Variants in TMED3 observed in about 807,000 individuals in gnomAD.
The protein encoded by TMED3 is transmembrane emp24 domain-containing protein 3.
A neutral mutation model predicts 15.0 loss-of-function variants in TMED3; 9 were observed. The ratio of observed to expected loss-of-function variants is 0.60; its 90% CI spans 0.36 to 1.04. TMED3 has a LOEUF of 1.04. TMED3 is among the 50% of genes least tolerant of loss of function. The pLI, the probability that TMED3 is intolerant of heterozygous loss-of-function variation, is 0.01. For synonymous variants in TMED3, 117 were observed against 121.4 expected, an observed-to-expected ratio of 0.96 and a Z score of 0.24; for missense variants, 267 against 278.9, an observed-to-expected ratio of 0.96 and a Z score of 0.30.
At chr15:79,370,424 G>T (rs2141244950) in intron 2 of TMED3, among the ~76,000 whole-genome samples, 1 of 152,212 alleles carries the variant, frequency 6.6e-6, no homozygotes, top group South Asian at 2.1e-4. Context: ...GGGCAGGCAG[G>T]AGTAGGGGTT....
chr15:79,405,118 C>T (rs1395512477), intron 2 of TMED3, among the ~76,000 whole-genome samples: 1 of 152,210 alleles, frequency 6.6e-6, no homozygotes, highest in Non-Finnish European at 1.5e-5. Context: ...GTTCATAATA[C>T]TCAGCTCCAA....
intron 2 of TMED3, among the ~76,000 whole-genome samples, chr15:79,398,565 TAGA>T (rs1288052272): frequency 3.2e-5 from 4 of 126,308 alleles, no homozygotes; most frequent in Non-Finnish European, 5.1e-5. Flanking sequence ...GCTGTGAGAA[TAGA>T]AGAAGATCGA....
chr15:79,386,174 A>G (rs1462141015), intron 2 of TMED3, among the ~76,000 whole-genome samples: 1 of 152,216 alleles, frequency 6.6e-6, no homozygotes, highest in African/African-American at 2.4e-5. Flanking sequence ...ACGGAGTTTC[A>G]GTTTTGCAAG....
chr15:79,360,573 T>G (rs1401291299), intron 2 of TMED3, among the ~76,000 whole-genome samples: 3 of 152,252 alleles, frequency 2.0e-5, no homozygotes, highest in Admixed American at 6.5e-5. Context: ...AACAGTACAC[T>G]GTAGTGTGTC....
chr15:79,360,273 A>G (rs1349587012), intron 2 of TMED3, among the ~76,000 whole-genome samples: 1 of 152,176 alleles, frequency 6.6e-6, no homozygotes, highest in African/African-American at 2.4e-5. Context: ...GGCTCCACAC[A>G]GAATGTGGGA....
intron 2 of TMED3, among the ~76,000 whole-genome samples, chr15:79,353,195 TATATAAA>T (rs2058901431): frequency 2.9e-5 from 2 of 70,042 alleles, no homozygotes; most frequent in Non-Finnish European, 5.0e-5. Context: ...ATATATATAA[TATATAAA>T]ATATATATTA....
At chr15:79,311,442 T>A in intron 1 of TMED3, 25 bp downstream of exon 1, 2 of 1,588,854 alleles carry the variant, frequency 1.3e-6, no homozygotes, top group Non-Finnish European at 1.7e-6. Flanking sequence ...CCGGCAGCGC[T>A]CCCTTCTCCC....
At chr15:79,357,689 G>A (rs893645967) in intron 2 of TMED3, among the ~76,000 whole-genome samples, 1 of 151,854 alleles carries the variant, frequency 6.6e-6, no homozygotes, top group Non-Finnish European at 1.5e-5. Flanking sequence ...GCGGCCCTCC[G>A]CTCTGTGTAT....
At chr15:79,404,774 G>C (rs1028381613) in intron 2 of TMED3, among the ~76,000 whole-genome samples, 3 of 152,222 alleles carry the variant, frequency 2.0e-5, no homozygotes, top group Non-Finnish European at 4.4e-5. Context: ...GATGAGCTCT[G>C]CTCACTGGGA....
rs559956410 is a variant in TMED3 at position 79,322,353 on chromosome 15, A to G, written c.*139A>G. ...TGGTAGCCCTTTGCCTTTCATGCCCATGCTTGATTCTTGCACCTCAGCAGC... is the reference window on the plus strand; with the variant it reads ...TGGTAGCCCTTTGCCTTTCATGCCCGTGCTTGATTCTTGCACCTCAGCAGC... On this transcript the variant is annotated 3_prime_UTR_variant, in exon 3 of 3. Transcript: ENST00000299705. 9.5e-4 allele frequency: 1,398 copies of G among 1,475,634 alleles called. 2 individuals carry two copies. Among genetic ancestry groups the G allele is most frequent in the African/African-American group, 3.1e-3 (217 of 71,040 alleles). 91.4% of individuals were successfully genotyped at this position (1,475,634 alleles called of 1,614,324 possible). A position where few individuals can be genotyped will look rare whatever the true frequency, so the allele number is the denominator to read the frequency against.
At chr15:79,316,335 GGGCTTCCA>G (rs1302789051) in intron 2 of TMED3, among the ~76,000 whole-genome samples, 1 of 152,200 alleles carries the variant, frequency 6.6e-6, no homozygotes, top group Non-Finnish European at 1.5e-5. Context: ...CAAGCTCGAG[GGGCTTCCA>G]GGCTTCCTGA....
At chr15:79,377,040 A>G (rs1192117498) in intron 2 of TMED3, among the ~76,000 whole-genome samples, 1 of 152,214 alleles carries the variant, frequency 6.6e-6, no homozygotes, top group African/African-American at 2.4e-5. Context: ...CACTTTGGGA[A>G]GAACTAGAGG....
In TMED3 at chr15:79,322,066, G is replaced by A. The variant is rs139541914; in HGVS notation, c.506G>A (p.Arg169Gln). The part of the protein sequence containing the change: ...THYRLREAQD[R>Q]ARAEDLNSRV... The stretch of plus-strand genomic sequence containing the variant: ...TACCGGCTGCGGGAGGCCCAGGACC[G>A]GGCCCGAGCAGAAGACCTTAATAGC... Residue 169 changes from arginine (R) to glutamine (Q), a missense_variant, in exon 3 of 3, where the codon CGG becomes CAG. This residue lies in a region of TMED3 where 139 missense variants were observed against 125.0 expected (regional missense o/e 1.11). Transcript: ENST00000299705. 8.1e-6 allele frequency: 13 copies of A among 1,614,084 alleles called. No individual in the cohort carries two copies. The highest frequency in any genetic ancestry group is 3.3e-5 in the Admixed American group (2 of 60,012).
Position 79,321,929 on chromosome 15 carries a change from A to G in TMED3, c.418-49A>G, listed in dbSNP as rs1403153907. ...CAGCATTTGCTGTTTGCTGGATCCC[A>G]CATTTGTCTATGGGTTAGCAGTGTG... is the stretch of plus-strand genomic sequence containing the variant. On this transcript the variant is annotated intron_variant, in intron 2 of 2. Transcript: ENST00000299705. The G allele has an allele frequency of 2.5e-6, 4 of 1,589,140 alleles. No individual in the cohort carries two copies. In the Admixed American group the frequency reaches 5.1e-5, roughly 20 times the overall value.
rs530961499 is a variant in TMED3, at chr15:79,399,067, C to T, written c.418-12333C>T. 8.5e-4 allele frequency among the ~76,000 whole-genome samples: 129 copies of T among 152,234 alleles called. 3 individuals carry two copies. The highest frequency in any genetic ancestry group is 1.2e-3 in the South Asian group (6 of 4,820). On this transcript the variant is annotated intron_variant, in intron 2 of 2. Transcript: ENST00000424155. ...CTGGAATTACAGGTGCATGCCACCA[C>T]GCCCAACTAATTTTTGTAGTTTTAG... is the stretch of plus-strand genomic sequence containing the variant.
exon 3 of TMED3, chr15:79,411,847 C>T (rs1211044909): frequency 4.2e-6 from 1 of 236,882 alleles, no homozygotes; most frequent in Non-Finnish European, 8.6e-6. Flanking sequence ...ACAGCCATCC[C>T]TCTAGGCTCG....
At chr15:79,374,328 C>T (rs957052464) in intron 2 of TMED3, among the ~76,000 whole-genome samples, 2 of 152,106 alleles carry the variant, frequency 1.3e-5, no homozygotes, top group Non-Finnish European at 2.9e-5. Context: ...TAAGTTGTGC[C>T]TGAATTCCAA....
intron 2 of TMED3, among the ~76,000 whole-genome samples, chr15:79,359,448 G>A (rs779135785): frequency 8.6e-5 from 13 of 151,752 alleles, no homozygotes; most frequent in Non-Finnish European, 1.3e-4. Context: ...ACCAAGTCTC[G>A]AACTCCTGAC....
At position 79,312,605 on chromosome 15, in the gene TMED3, G is replaced by A. The variant is rs188068923; in HGVS notation, c.169-1152G>A. On this transcript the variant is annotated intron_variant, in intron 1 of 2. Coordinates refer to ENST00000299705, the MANE Select transcript of TMED3 (RefSeq NM_007364.4). ...TGGAAGCAGATGGAGGCCATTGACC[G>A]TGTCCTTTGATGGATCTTGGTTATA... 1.5e-3 allele frequency among the ~76,000 whole-genome samples: 227 copies of A among 152,276 alleles called. 3 individuals carry two copies. The highest frequency in any genetic ancestry group is 5.0e-3 in the African/African-American group (208 of 41,556).
Sources: allele counts gnomAD v4.1 joint callset (sites outside exome capture counted in the v4.1 genomes callset), GRCh38; gene constraint gnomAD v4.1.1; regional missense constraint gnomAD v4.1.1; transcripts MANE v1.5; gene names NCBI Gene and HGNC (gene_info 2026-07-23, HGNC 2026-07-21).